Variants in MAPRE3 observed in about 807,000 individuals in gnomAD.
MAPRE3 encodes the protein microtubule associated protein RP/EB family member 3, also known as microtubule-associated protein RP/EB family member 3.
In MAPRE3, 2 loss-of-function variants were observed where a neutral mutation model predicts 30.5. That is an observed-to-expected ratio of 0.07 (90% CI 0.03 to 0.21). MAPRE3 has a LOEUF of 0.21. Ranked by LOEUF, MAPRE3 falls within the 10% of genes least tolerant of loss-of-function variation. MAPRE3 has a pLI of 1.00. For missense variants in MAPRE3, 204 were observed against 351.8 expected (o/e 0.58, Z 3.36); for synonymous variants, 110 against 127.7 (o/e 0.86, Z 0.93).
Position 26,985,701 on chromosome 2 carries a change from T to G in MAPRE3, c.-8+14899T>G, listed in dbSNP as rs141555568. 6.6e-6 allele frequency among the ~76,000 whole-genome samples: 1 copy of G among 152,362 alleles called. No individual in the cohort carries two copies. Among genetic ancestry groups the G allele is most frequent in the East Asian group, 1.9e-4 (1 of 5,192 alleles). On this transcript the variant is annotated intron_variant, in intron 1 of 6. Transcript: ENST00000233121. This position sits in a 1 kb window ranked among gnomAD's most constrained non-coding sequence, Gnocchi z 4.2. ...ATAGGACAAAAGAATAGGTATTACC[T>G]TATATGGCAATAAGTGTTAATTAAG...
intron 1 of MAPRE3, among the ~76,000 whole-genome samples, chr2:27,021,708 GC>G (rs1469097391): frequency 6.6e-6 from 1 of 152,144 alleles, no homozygotes; most frequent in Non-Finnish European, 1.5e-5. Context: ...TGCTCCCCGG[GC>G]CTGCTCCACG....
At chr2:27,019,573 G>A (rs1271440877) in intron 1 of MAPRE3, among the ~76,000 whole-genome samples, 1 of 152,258 alleles carries the variant, frequency 6.6e-6, no homozygotes, top group East Asian at 1.9e-4. Context: ...GGGCCAAGAT[G>A]CAGGGCAGTG....
In MAPRE3 at chr2:26,985,268, A is replaced by G. The variant is rs1357234170; in HGVS notation, c.-8+14466A>G. Among the ~76,000 whole-genome samples the G allele has an allele frequency of 1.3e-5, 2 of 152,236 alleles. No homozygotes were observed. Among genetic ancestry groups the G allele is most frequent in the Non-Finnish European group, 2.9e-5 (2 of 68,030 alleles). On this transcript the variant is annotated intron_variant, in intron 1 of 6. Transcript: ENST00000233121. This position sits in a 1 kb window ranked among gnomAD's most constrained non-coding sequence, Gnocchi z 4.2. ...AAGGATGTTGGCCTTTCCTCAAGTC[A>G]GGCAGAATCCTACCTGGGCCATCTT...
chr2:27,006,669 A>G (rs1422387563), intron 1 of MAPRE3, among the ~76,000 whole-genome samples: 1 of 152,126 alleles, frequency 6.6e-6, no homozygotes, highest in Non-Finnish European at 1.5e-5. Context: ...CCTGACCTCA[A>G]GCAGTCCTCC....
intron 3 of MAPRE3, 51 bp from the exon 4 acceptor site, chr2:27,024,045 G>A (rs1667176632): frequency 1.4e-6 from 2 of 1,452,130 alleles, no homozygotes; most frequent in African/African-American, 1.4e-5. Context: ...GAGGAAGGCG[G>A]TCCTACAGCA....
chr2:27,019,113 T>C (rs1297577217), intron 1 of MAPRE3, among the ~76,000 whole-genome samples: 1 of 151,946 alleles, frequency 6.6e-6, no homozygotes, highest in Non-Finnish European at 1.5e-5. Context: ...AGGCTGGTCT[T>C]GAACTCCTGG....
At chr2:26,979,420 C>T (rs999207483) in intron 1 of MAPRE3, among the ~76,000 whole-genome samples, 4 of 152,252 alleles carry the variant, frequency 2.6e-5, no homozygotes, top group East Asian at 3.9e-4. Flanking sequence ...ACCCCATCTA[C>T]AAAAATTGTT....
intron 1 of MAPRE3, among the ~76,000 whole-genome samples, chr2:26,972,521 T>A (rs1665935777): frequency 6.6e-6 from 1 of 152,120 alleles, no homozygotes; most frequent in Non-Finnish European, 1.5e-5. Flanking sequence ...TGGGGTTTGG[T>A]GGGATGCACC....
chr2:27,004,649 C>G (rs1291722616), intron 1 of MAPRE3, among the ~76,000 whole-genome samples: 1 of 151,246 alleles, frequency 6.6e-6, no homozygotes, highest in Non-Finnish European at 1.5e-5. Context: ...CACTATGTTG[C>G]CTAGGCTAAA....
intron 1 of MAPRE3, among the ~76,000 whole-genome samples, chr2:26,979,575 G>A (rs1666076043): frequency 6.6e-6 from 1 of 152,160 alleles, no homozygotes; most frequent in African/African-American, 2.4e-5. Flanking sequence ...GGCAGAGTAA[G>A]GGCCAATCTC....
intron 1 of MAPRE3, among the ~76,000 whole-genome samples, chr2:26,972,213 AT>A (rs1329512796): frequency 6.6e-6 from 1 of 152,202 alleles, no homozygotes; most frequent in African/African-American, 2.4e-5. Context: ...AGGCTTTGGG[AT>A]TTTTACTCCA....
intron 1 of MAPRE3, among the ~76,000 whole-genome samples, chr2:27,009,985 A>G (rs1007306360): frequency 2.6e-5 from 4 of 152,118 alleles, no homozygotes; most frequent in African/African-American, 7.2e-5. Context: ...ATTTCTTCCT[A>G]TAGGTCCTGT....
chr2:26,992,574 G>A (rs1409402658), intron 1 of MAPRE3, among the ~76,000 whole-genome samples: 1 of 151,486 alleles, frequency 6.6e-6, no homozygotes, highest in Non-Finnish European at 1.5e-5. Flanking sequence ...TAAGAGTTTG[G>A]AATGGATATT....
At chr2:27,009,873 G>A (rs1459672695) in intron 1 of MAPRE3, 1 of 152,270 alleles carries the variant, frequency 6.6e-6, no homozygotes, top group Non-Finnish European at 1.5e-5. Context: ...AGCAGCTCCT[G>A]TATCTGGAGT....
chr2:26,977,787 C>T (rs1484951885), intron 1 of MAPRE3, among the ~76,000 whole-genome samples: 2 of 152,204 alleles, frequency 1.3e-5, no homozygotes, highest in Non-Finnish European at 2.9e-5. Context: ...CCTCATCTTT[C>T]CCATCCACAC....
At chr2:27,004,249 G>A (rs753666765) in intron 1 of MAPRE3, among the ~76,000 whole-genome samples, 2 of 152,088 alleles carry the variant, frequency 1.3e-5, no homozygotes, top group South Asian at 2.1e-4. Context: ...CATGCTGCCC[G>A]TCCACATAGC....
At chr2:26,975,573 G>C (rs1167719654) in intron 1 of MAPRE3, among the ~76,000 whole-genome samples, 3 of 152,288 alleles carry the variant, frequency 2.0e-5, no homozygotes, top group Non-Finnish European at 4.4e-5. Flanking sequence ...GAAAAGAAAC[G>C]CAATAATGTT....
chr2:27,018,607 C>T (rs889166397), intron 1 of MAPRE3, among the ~76,000 whole-genome samples: 1 of 152,084 alleles, frequency 6.6e-6, no homozygotes, highest in African/African-American at 2.4e-5. Context: ...TCTTGCAGTC[C>T]ACAACTAAAT....
At chr2:27,006,116 A>G (rs967441879) in intron 1 of MAPRE3, among the ~76,000 whole-genome samples, 3 of 152,208 alleles carry the variant, frequency 2.0e-5, no homozygotes, top group African/African-American at 7.2e-5. Flanking sequence ...CGGGAGGCGT[A>G]GCTGGCACTG....
Sources: allele counts gnomAD v4.1 joint callset (sites outside exome capture counted in the v4.1 genomes callset), GRCh38; gene constraint gnomAD v4.1.1; non-coding constraint Gnocchi (gnomAD v3.1); transcripts MANE v1.5; gene names NCBI Gene and HGNC (gene_info 2026-07-23, HGNC 2026-07-21).